The following KLHL3 variants were observed in gnomAD, a reference collection of about 807,000 sequenced individuals.
The protein encoded by KLHL3 is kelch like family member 3.
In KLHL3, 19 loss-of-function variants were observed where a neutral mutation model predicts 70.5. That is an observed-to-expected ratio of 0.27 (90% CI 0.19 to 0.40). The LOEUF is 0.40. KLHL3 is among the 10% of genes least tolerant of loss of function. KLHL3 has a pLI of 1.00. For missense variants in KLHL3, 512 were observed against 771.1 expected, an observed-to-expected ratio of 0.66 and a Z score of 3.98; for synonymous variants, 258 against 290.3, an observed-to-expected ratio of 0.89 and a Z score of 1.13.
At chr5:137,622,156 C>T in intron 14 of KLHL3, 30 bp from the exon 15 acceptor site, 2 of 1,613,512 alleles carry the variant, frequency 1.2e-6, no homozygotes, top group Non-Finnish European at 1.7e-6. Context: ...AAGTTATCAT[C>T]TTAGCTTCTC....
intron 1 of KLHL3, among the ~76,000 whole-genome samples, chr5:137,732,369 G>A (rs564123638): frequency 6.6e-6 from 1 of 151,766 alleles, no homozygotes; most frequent in Non-Finnish European, 1.5e-5. Context: ...GCAAAGGCTA[G>A]TGCAAATTCA....
intron 5 of KLHL3, among the ~76,000 whole-genome samples, chr5:137,678,433 T>C (rs964637929): frequency 1.3e-5 from 2 of 152,228 alleles, no homozygotes; most frequent in African/African-American, 4.8e-5. Flanking sequence ...TTCACTGAAA[T>C]GTCATCTACT....
intron 1 of KLHL3, among the ~76,000 whole-genome samples, chr5:137,734,328 G>A (rs958618817): frequency 1.3e-5 from 2 of 152,074 alleles, no homozygotes; most frequent in African/African-American, 4.8e-5. Context: ...TGCTCAGCAG[G>A]CCTCACAGAG....
intron 6 of KLHL3, among the ~76,000 whole-genome samples, chr5:137,664,178 C>T (rs1363152178): frequency 6.6e-6 from 1 of 151,526 alleles, no homozygotes; most frequent in Non-Finnish European, 1.5e-5. Context: ...ATGGCAAAAC[C>T]CTATCTCTAC....
At chr5:137,715,055 C>T (rs996542315) in intron 2 of KLHL3, among the ~76,000 whole-genome samples, 6 of 152,182 alleles carry the variant, frequency 3.9e-5, no homozygotes, top group Non-Finnish European at 8.8e-5. Context: ...GCCCACAGCC[C>T]CATTTGCTTG....
chr5:137,649,518 G>C (rs1751146535), intron 8 of KLHL3, among the ~76,000 whole-genome samples: 1 of 152,166 alleles, frequency 6.6e-6, no homozygotes, highest in Non-Finnish European at 1.5e-5. Context: ...CCGACCAACA[G>C]CTTGACTGTA....
rs144143729 is a variant in KLHL3, at chr5:137,624,855, G to C, written c.1735+898C>G. Reference sequence around the variant, plus strand: ...ACCCAACCTTAGTAGTACCAACTCTGATGCCACCCCTGCCCCTGCTACTCA... The same window carrying C: ...ACCCAACCTTAGTAGTACCAACTCTCATGCCACCCCTGCCCCTGCTACTCA... On this transcript the variant is annotated intron_variant, in intron 14 of 14. Coordinates refer to ENST00000309755, the MANE Select transcript of KLHL3 (RefSeq NM_017415.3). 7.7e-3 allele frequency among the ~76,000 whole-genome samples: 1,168 copies of C among 152,162 alleles called. 16 individuals are homozygous for C. The highest frequency in any genetic ancestry group is 0.027 in the African/African-American group (1,100 of 41,490).
chr5:137,716,848 T>C (rs1297597014), intron 2 of KLHL3, among the ~76,000 whole-genome samples: 2 of 152,124 alleles, frequency 1.3e-5, no homozygotes, highest in Non-Finnish European at 2.9e-5. Context: ...GGGCTGGCTT[T>C]TGTTAGAACC....
intron 8 of KLHL3, among the ~76,000 whole-genome samples, chr5:137,650,247 C>T (rs527740500): frequency 1.9e-4 from 29 of 152,286 alleles, no homozygotes; most frequent in Middle Eastern, 3.4e-3. Flanking sequence ...AGACAATTTG[C>T]GTTTTACCTT....
At chr5:137,708,650 T>C (rs1002617052) in intron 3 of KLHL3, among the ~76,000 whole-genome samples, 2 of 152,086 alleles carry the variant, frequency 1.3e-5, no homozygotes, top group Admixed American at 6.6e-5. Context: ...AAAAAACACA[T>C]AACAACAAAC....
At chr5:137,725,496 C>T (rs1458815775) in intron 1 of KLHL3, among the ~76,000 whole-genome samples, 2 of 152,310 alleles carry the variant, frequency 1.3e-5, no homozygotes, top group East Asian at 3.9e-4. Flanking sequence ...CACAAAGGAA[C>T]CTTCATCTGT....
At chr5:137,696,123 G>A (rs994894426) in intron 4 of KLHL3, among the ~76,000 whole-genome samples, 2 of 152,000 alleles carry the variant, frequency 1.3e-5, no homozygotes, top group African/African-American at 4.8e-5. Context: ...AGGATATCCT[G>A]CCACAGAGTT....
chr5:137,710,704 A>G (rs1172655449), intron 2 of KLHL3, among the ~76,000 whole-genome samples: 1 of 152,238 alleles, frequency 6.6e-6, no homozygotes, highest in Non-Finnish European at 1.5e-5. Flanking sequence ...TCATTCTTCT[A>G]AGCTCTTATC....
chr5:137,661,849 T>G, intron 7 of KLHL3, 66 bp downstream of exon 7: 1 of 875,290 alleles, frequency 1.1e-6, no homozygotes, highest in Non-Finnish European at 1.9e-6. Flanking sequence ...CAACCAGGAT[T>G]GCCCATTGCT....
intron 3 of KLHL3, among the ~76,000 whole-genome samples, chr5:137,705,652 G>A (rs1320448851): frequency 6.6e-6 from 1 of 152,104 alleles, no homozygotes; most frequent in Non-Finnish European, 1.5e-5. Flanking sequence ...CATGATTATG[G>A]GCATAAGACC....
At chr5:137,651,133 A>G (rs983614508) in intron 8 of KLHL3, among the ~76,000 whole-genome samples, 4 of 152,254 alleles carry the variant, frequency 2.6e-5, no homozygotes, top group Admixed American at 6.5e-5. Context: ...ATAAATGGTC[A>G]GTATTAAGTC....
intron 12 of KLHL3, chr5:137,629,395 TG>T (rs765101618): frequency 6.6e-6 from 1 of 152,198 alleles, no homozygotes; most frequent in African/African-American, 2.4e-5. Context: ...CTCCACTCCA[TG>T]GGCAGGCTGC....
At chr5:137,692,849 C>CACACAT (rs1330003622) in intron 4 of KLHL3, among the ~76,000 whole-genome samples, 6 of 151,660 alleles carry the variant, frequency 4.0e-5, no homozygotes, top group African/African-American at 1.5e-4. Context: ...CACACACACA[C>CACACAT]ACACAATGGT....
At chr5:137,691,947 G>A (rs1008075644) in intron 5 of KLHL3, among the ~76,000 whole-genome samples, 3 of 152,050 alleles carry the variant, frequency 2.0e-5, no homozygotes, top group African/African-American at 4.8e-5. Context: ...AATGTTTATG[G>A]AACGCTCAGA....
Sources: allele counts gnomAD v4.1 joint callset (sites outside exome capture counted in the v4.1 genomes callset), GRCh38; gene constraint gnomAD v4.1.1; transcripts MANE v1.5; gene names NCBI Gene and HGNC (gene_info 2026-07-23, HGNC 2026-07-21).